COMMD1: variants seen among roughly 807,000 people sequenced by gnomAD.
COMMD1 encodes COMM domain-containing protein 1.
A neutral mutation model predicts 17.2 loss-of-function variants in COMMD1; 10 were observed. That is an observed-to-expected ratio of 0.58 (90% CI 0.36 to 0.99). The LOEUF (loss-of-function observed/expected upper bound fraction) is 0.99, where lower values mean the gene tolerates loss of function less well. COMMD1 is among the 50% of genes least tolerant of loss of function. The pLI, the probability that COMMD1 is intolerant of heterozygous loss-of-function variation, is 0.01. For missense variants in COMMD1, 270 were observed against 231.8 expected (o/e 1.17, Z -1.07); for synonymous variants, 97 against 91.6 (o/e 1.06, Z -0.34).
At chr2:61,948,731 A>G (rs1670977741) in intron 1 of COMMD1, among the ~76,000 whole-genome samples, 1 of 152,192 alleles carries the variant, frequency 6.6e-6, no homozygotes, top group Non-Finnish European at 1.5e-5. Flanking sequence ...TTTGCAGAGG[A>G]GACTTTTAAG....
intron 1 of COMMD1, among the ~76,000 whole-genome samples, chr2:61,986,193 C>T (rs936338326): frequency 6.6e-6 from 1 of 151,896 alleles, no homozygotes; most frequent in African/African-American, 2.4e-5. Flanking sequence ...ATATGTCATG[C>T]CAATCTCACC....
chr2:62,059,748 A>C (rs1032864898), intron 2 of COMMD1, among the ~76,000 whole-genome samples: 1 of 152,102 alleles, frequency 6.6e-6, no homozygotes, highest in Non-Finnish European at 1.5e-5. Context: ...GTTTTCATCA[A>C]ATGTCTTTTT....
chr2:61,909,289 A>G (rs1203327152), intron 1 of COMMD1, among the ~76,000 whole-genome samples: 2 of 152,230 alleles, frequency 1.3e-5, no homozygotes, highest in Non-Finnish European at 1.5e-5. Flanking sequence ...AAGAGGGAAC[A>G]TACACAAATA....
At chr2:62,062,887 T>A (rs188380906) in intron 2 of COMMD1, among the ~76,000 whole-genome samples, 1 of 151,586 alleles carries the variant, frequency 6.6e-6, no homozygotes, top group Non-Finnish European at 1.5e-5. Context: ...CTGGGCAACG[T>A]AGGGACACCC....
At chr2:62,039,891 C>G (rs1670139938) in intron 2 of COMMD1, among the ~76,000 whole-genome samples, 1 of 152,106 alleles carries the variant, frequency 6.6e-6, no homozygotes, top group African/African-American at 2.4e-5. Flanking sequence ...TTTTATTGCC[C>G]AAAGGCCCTC....
intron 1 of COMMD1, among the ~76,000 whole-genome samples, chr2:61,957,859 A>C (rs909118240): frequency 6.6e-6 from 1 of 152,238 alleles, no homozygotes; most frequent in Non-Finnish European, 1.5e-5. Context: ...TTGGAAAAGC[A>C]GAGAACTACT....
chr2:62,107,319 T>C (rs965241768), intron 2 of COMMD1, among the ~76,000 whole-genome samples: 7 of 152,206 alleles, frequency 4.6e-5, no homozygotes, highest in African/African-American at 1.7e-4. Context: ...CATTTGTCTC[T>C]AGGAATTTTT....
At chr2:61,959,987 A>G (rs1671296281) in intron 1 of COMMD1, among the ~76,000 whole-genome samples, 1 of 152,156 alleles carries the variant, frequency 6.6e-6, no homozygotes, top group African/African-American at 2.4e-5. Context: ...GAACAAAGAA[A>G]AGGAAGTTGC....
At chr2:61,944,421 A>G (rs1465594173) in intron 1 of COMMD1, among the ~76,000 whole-genome samples, 1 of 152,164 alleles carries the variant, frequency 6.6e-6, no homozygotes, top group Non-Finnish European at 1.5e-5. Context: ...AGAGGACTCC[A>G]GCCTGGGTAA....
At chr2:62,090,751 G>A (rs1380750869) in intron 2 of COMMD1, 2 of 152,122 alleles carry the variant, frequency 1.3e-5, no homozygotes, top group Non-Finnish European at 2.9e-5. Context: ...GAAGAATCAG[G>A]GTTCCAGGTA....
intron 2 of COMMD1, among the ~76,000 whole-genome samples, chr2:62,131,224 C>T (rs1201878244): frequency 6.6e-6 from 1 of 152,238 alleles, no homozygotes; most frequent in Admixed American, 6.5e-5. Flanking sequence ...TAATACACTG[C>T]TGTACTCCCC....
At chr2:62,072,430 G>T (rs1671222050) in intron 2 of COMMD1, among the ~76,000 whole-genome samples, 1 of 152,126 alleles carries the variant, frequency 6.6e-6, no homozygotes, top group African/African-American at 2.4e-5. Flanking sequence ...CTGCCTTCAG[G>T]TAGGGGTTAC....
At chr2:61,993,541 A>C (rs1217246019) in intron 1 of COMMD1, among the ~76,000 whole-genome samples, 2 of 152,232 alleles carry the variant, frequency 1.3e-5, no homozygotes, top group Non-Finnish European at 2.9e-5. Context: ...ATGTGCAGCC[A>C]GTGTTGAAAA....
intron 2 of COMMD1, among the ~76,000 whole-genome samples, chr2:62,034,296 G>C (rs770329001): frequency 2.0e-5 from 3 of 151,846 alleles, no homozygotes; most frequent in Non-Finnish European, 4.4e-5. Flanking sequence ...GAGGTCAGAC[G>C]TTCGAGATCA....
intron 2 of COMMD1, among the ~76,000 whole-genome samples, chr2:62,011,973 C>T (rs116792460): frequency 0.019 from 2,895 of 152,120 alleles, 40 homozygotes; most frequent in Non-Finnish European, 0.028. Context: ...TATGACTGGG[C>T]GCAGTGACTC....
In COMMD1 at chr2:62,039,432, G is replaced by A. The variant is rs140633033; in HGVS notation, c.462+38450G>A. Among the ~76,000 whole-genome samples the A allele has an allele frequency of 5.3e-4, 80 of 152,302 alleles. 1 individual carries two copies. Among genetic ancestry groups the A allele is most frequent in the African/African-American group, 1.8e-3 (76 of 41,558 alleles). Reference sequence around the variant, plus strand: ...CACTATGGCCTTTCTTTGAGGAGTTGATTAGCAAACTTGACTCAGAGAGGA... The same window carrying A: ...CACTATGGCCTTTCTTTGAGGAGTTAATTAGCAAACTTGACTCAGAGAGGA... On this transcript the variant is annotated intron_variant, in intron 2 of 2. Transcript: ENST00000311832.
chr2:61,913,238 GCA>G (rs1669955255), intron 1 of COMMD1, among the ~76,000 whole-genome samples: 1 of 151,700 alleles, frequency 6.6e-6, no homozygotes, highest in African/African-American at 2.4e-5. Context: ...ATGGTGGTGT[GCA>G]CCTGTAGTCC....
At chr2:61,989,848 C>T (rs1025515399) in intron 1 of COMMD1, among the ~76,000 whole-genome samples, 9 of 152,252 alleles carry the variant, frequency 5.9e-5, no homozygotes, top group Admixed American at 4.6e-4. Flanking sequence ...TCCAGTTTTG[C>T]AGACCTTGGG....
chr2:62,132,840 CAA>C (rs58741435), intron 2 of COMMD1, among the ~76,000 whole-genome samples: 170 of 146,574 alleles, frequency 1.2e-3, no homozygotes, highest in East Asian at 3.4e-3. Flanking sequence ...ACTCTTGTCT[CAA>C]AAAAAAAAAA....
Sources: gnomAD v4.1 joint callset for allele counts (sites outside exome capture counted in the v4.1 genomes callset) on GRCh38, gnomAD v4.1.1 for gene constraint, MANE v1.5 for transcripts, NCBI Gene and HGNC (gene_info 2026-07-23, HGNC 2026-07-21) for gene names.